GRID2: variants seen among roughly 807,000 people sequenced by gnomAD.
GRID2 encodes glutamate ionotropic receptor delta type subunit 2, also known as glutamate receptor ionotropic, delta-2.
A neutral mutation model predicts 114.8 loss-of-function variants in GRID2; 33 were observed. The observed-to-expected ratio is 0.29, with a 90% confidence interval of 0.22 to 0.38. The LOEUF is 0.38. Among genes scored for constraint, GRID2 ranks in the 10% least tolerant of loss-of-function variants. The probability of loss-of-function intolerance (pLI) is 1.00; values close to 1 mark genes in which losing one functional copy is unlikely to be tolerated. For missense variants in GRID2, 1,184 were observed against 1,257.7 expected, an observed-to-expected ratio of 0.94 and a Z score of 0.89; for synonymous variants, 505 against 449.9, an observed-to-expected ratio of 1.12 and a Z score of -1.55.
intron 13 of GRID2, among the ~76,000 whole-genome samples, chr4:93,611,208 T>C (rs1390768694): frequency 7.2e-5 from 7 of 97,586 alleles, no homozygotes; most frequent in East Asian, 5.0e-4. Flanking sequence ...TCTCTCTTTT[T>C]TTCTTTATTA....
chr4:93,752,035 A>T (rs1228243528), intron 14 of GRID2, among the ~76,000 whole-genome samples: 4 of 150,558 alleles, frequency 2.7e-5, no homozygotes, highest in Non-Finnish European at 4.4e-5. Flanking sequence ...CTGTGTTTGG[A>T]CTTATACATT....
rs900763931 is a variant in GRID2 at position 93,357,839 on chromosome 4, T to C, written c.1246-37768T>C. ...TAATCCATTCCTTCCCACCTTTTTG[T>C]ATAATAAAAATTTCATTTTGTGTTT... On this transcript the variant is annotated intron_variant, in intron 8 of 15. Transcript: ENST00000282020. Among the ~76,000 whole-genome samples the C allele has an allele frequency of 4.0e-5, 6 of 151,726 alleles. No homozygotes were observed. The East Asian group carries it at 1.2e-3, about 29-fold the overall frequency.
chr4:93,407,738 C>T (rs1022003547), intron 9 of GRID2, among the ~76,000 whole-genome samples: 24 of 121,624 alleles, frequency 2.0e-4, no homozygotes, highest in Middle Eastern at 4.2e-3. Context: ...TCCTCCTCCT[C>T]CTCCTCCTCC....
At chr4:93,140,795 G>A (rs1735703089) in intron 4 of GRID2, among the ~76,000 whole-genome samples, 1 of 152,146 alleles carries the variant, frequency 6.6e-6, no homozygotes, top group African/African-American at 2.4e-5. Flanking sequence ...AAATACAGCA[G>A]TATTATGCTC....
At chr4:93,359,411 T>A (rs993164468) in intron 8 of GRID2, among the ~76,000 whole-genome samples, 1 of 151,910 alleles carries the variant, frequency 6.6e-6, no homozygotes, top group African/African-American at 2.4e-5. Context: ...CCTCAAGCAT[T>A]TATCATTTGA....
chr4:93,215,589 T>G (rs2149481295), intron 5 of GRID2, among the ~76,000 whole-genome samples: 1 of 152,136 alleles, frequency 6.6e-6, no homozygotes, highest in South Asian at 2.1e-4. Flanking sequence ...AAGGATTGAT[T>G]AAATGCCCAG....
chr4:93,737,230 C>A (rs1731002905), intron 14 of GRID2, among the ~76,000 whole-genome samples: 1 of 151,982 alleles, frequency 6.6e-6, no homozygotes, highest in Admixed American at 6.6e-5. Flanking sequence ...ATGGGTATTT[C>A]ACAACACGTT....
intron 13 of GRID2, among the ~76,000 whole-genome samples, chr4:93,542,314 G>C (rs1296808115): frequency 1.3e-5 from 2 of 151,976 alleles, no homozygotes; most frequent in African/African-American, 4.8e-5. Flanking sequence ...TTGATGACTT[G>C]CCAGAACTGA....
intron 4 of GRID2, among the ~76,000 whole-genome samples, chr4:93,206,716 G>A (rs1477964644): frequency 6.6e-6 from 1 of 151,870 alleles, no homozygotes; most frequent in Non-Finnish European, 1.5e-5. Context: ...AACAAAGAGT[G>A]CTACCCATAT....
At chr4:92,473,126 C>T (rs1009104057) in intron 1 of GRID2, among the ~76,000 whole-genome samples, 1 of 152,136 alleles carries the variant, frequency 6.6e-6, no homozygotes, top group Non-Finnish European at 1.5e-5. Flanking sequence ...TACGTATAGT[C>T]AGTACCATTT....
intron 2 of GRID2, among the ~76,000 whole-genome samples, chr4:92,833,492 G>T (rs189672656): frequency 6.6e-6 from 1 of 152,128 alleles, no homozygotes; most frequent in Non-Finnish European, 1.5e-5. Flanking sequence ...GACACTTGAT[G>T]ATCTTTCTTT....
At chr4:92,551,953 G>C (rs1726613718) in intron 1 of GRID2, among the ~76,000 whole-genome samples, 1 of 152,048 alleles carries the variant, frequency 6.6e-6, no homozygotes, top group East Asian at 1.9e-4. Flanking sequence ...AGTCAGTTAT[G>C]ATGTAAAACC....
At chr4:92,688,508 T>A (rs1364421242) in intron 2 of GRID2, among the ~76,000 whole-genome samples, 2 of 152,200 alleles carry the variant, frequency 1.3e-5, no homozygotes, top group Non-Finnish European at 2.9e-5. Context: ...ATTTAAACAG[T>A]ATTCCCAACA....
At chr4:92,304,792 C>A in intron 1 of GRID2, 48 bp downstream of exon 1, 1 of 1,326,932 alleles carries the variant, frequency 7.5e-7, no homozygotes, top group Non-Finnish European at 1.1e-6. Context: ...CGTTTCAGTT[C>A]TCAAATGTTT....
intron 14 of GRID2, among the ~76,000 whole-genome samples, chr4:93,744,540 C>T (rs1320828113): frequency 6.6e-6 from 1 of 152,126 alleles, no homozygotes. Flanking sequence ...GAAGCGGAGC[C>T]TGAAGATGTG....
chr4:93,599,322 A>G (rs1456962143), intron 13 of GRID2, among the ~76,000 whole-genome samples: 1 of 152,210 alleles, frequency 6.6e-6, no homozygotes. Context: ...AAGCACAAGG[A>G]AACTTAAAAG....
intron 2 of GRID2, among the ~76,000 whole-genome samples, chr4:92,755,080 C>T (rs1223266418): frequency 6.6e-6 from 1 of 152,124 alleles, no homozygotes; most frequent in Non-Finnish European, 1.5e-5. Flanking sequence ...TAAAGACAGT[C>T]CATGAGCTGC....
intron 8 of GRID2, among the ~76,000 whole-genome samples, chr4:93,316,859 A>T (rs1223815335): frequency 6.6e-6 from 1 of 152,102 alleles, no homozygotes; most frequent in Non-Finnish European, 1.5e-5. Flanking sequence ...ACTATTTCTG[A>T]GTACATTTAA....
chr4:92,482,907 T>C (rs151023036), intron 1 of GRID2, among the ~76,000 whole-genome samples: 2 of 152,364 alleles, frequency 1.3e-5, no homozygotes, highest in East Asian at 3.9e-4. Flanking sequence ...TAGAAATTTA[T>C]TTTTAATAGC....
Sources: allele counts gnomAD v4.1 joint callset (sites outside exome capture counted in the v4.1 genomes callset), GRCh38; gene constraint gnomAD v4.1.1; transcripts MANE v1.5; gene names NCBI Gene and HGNC (gene_info 2026-07-23, HGNC 2026-07-21).